The following SKP2 variants were observed in gnomAD, a reference collection of about 807,000 sequenced individuals.
SKP2 encodes the protein S-phase kinase-associated protein 2.
A neutral mutation model predicts 51.8 loss-of-function variants in SKP2; 16 were observed. That is an observed-to-expected ratio of 0.31 (90% CI 0.21 to 0.47). The LOEUF (loss-of-function observed/expected upper bound fraction) is 0.47. Ranked by LOEUF, SKP2 falls within the 20% of genes least tolerant of loss-of-function variation. The pLI, the probability that SKP2 is intolerant of heterozygous loss-of-function variation, is 1.00. For synonymous variants in SKP2, 176 were observed against 198.6 expected (o/e 0.89, Z 0.96); for missense variants, 377 against 505.3 (o/e 0.75, Z 2.43).
At position 36,181,728 on chromosome 5, in the gene SKP2, GAC is replaced by G. The variant is rs1745817255; in HGVS notation, c.1062-86_1062-85del. 2.2e-6 allele frequency: 3 copies of G among 1,350,436 alleles called. No individual in the cohort carries two copies. In the Admixed American group the frequency reaches 6.0e-5, roughly 27 times the overall value. The allele number at this position is 1,350,436 out of a possible 1,614,324, so 83.7% of individuals were successfully genotyped here. On this transcript the variant is annotated intron_variant, in intron 9 of 9. Coordinates refer to ENST00000274255, the MANE Select transcript of SKP2 (RefSeq NM_005983.4). ...CACTTTCAGACTGCATTTTGTAGAT[GAC>G]ACAAATTGTAAAATTTGGGTCATAT...
At chr5:36,175,394 A>G (rs1745600143) in intron 7 of SKP2, among the ~76,000 whole-genome samples, 3 of 152,110 alleles carry the variant, frequency 2.0e-5, no homozygotes, top group Admixed American at 2.0e-4. Context: ...GGCAGTTGAA[A>G]ATGCAAGTCC....
At chr5:36,163,368 T>C (rs3815779) in intron 2 of SKP2, among the ~76,000 whole-genome samples, 95,466 of 152,116 alleles carry the variant, frequency 0.63, 35,010 homozygotes, top group Non-Finnish European at 0.82. Flanking sequence ...TGGGTTTCTC[T>C]TTTTGATTTG....
In SKP2 at chr5:36,182,846, T is replaced by C. The variant is rs1432497874; in HGVS notation, c.*815T>C. ...TGGGTCCTTTAGCTTTTAAAATGAC[T>C]TGCTTTGTTTTAGAAAGGTGGTATT... On this transcript the variant is annotated 3_prime_UTR_variant, in exon 10 of 10. Transcript: ENST00000274255. The C allele has an allele frequency of 3.0e-6, 3 of 984,794 alleles. No individual in the cohort carries two copies. Among genetic ancestry groups the C allele is most frequent in the Non-Finnish European group, 3.6e-6 (3 of 829,424 alleles). The allele number at this position is 984,794 out of a possible 1,614,324, so 61.0% of individuals were successfully genotyped here.
intron 6 of SKP2, among the ~76,000 whole-genome samples, chr5:36,191,668 C>G (rs1481888277): frequency 6.6e-6 from 1 of 152,074 alleles, no homozygotes; most frequent in East Asian, 1.9e-4. Context: ...ATACAACAGC[C>G]CAGGAGAAGA....
chr5:36,173,557 G>C (rs1241031260), intron 7 of SKP2, among the ~76,000 whole-genome samples: 1 of 152,108 alleles, frequency 6.6e-6, no homozygotes, highest in Admixed American at 6.6e-5. Flanking sequence ...ATGAATCGAG[G>C]CTCTGGGTGC....
intron 7 of SKP2, chr5:36,193,125 T>C (rs896854525): frequency 3.3e-5 from 5 of 152,266 alleles, no homozygotes; most frequent in Middle Eastern, 3.4e-3. Flanking sequence ...TATTAACAGA[T>C]CTATTTGGAC....
At chr5:36,193,377 G>A (rs913045148) in intron 7 of SKP2, 4 of 151,150 alleles carry the variant, frequency 2.6e-5, no homozygotes, top group African/African-American at 9.8e-5. Flanking sequence ...TTGGGAGGCT[G>A]AGGCAGGAGA....
intron 5 of SKP2, among the ~76,000 whole-genome samples, chr5:36,169,304 G>T (rs1312002578): frequency 6.6e-6 from 1 of 152,114 alleles, no homozygotes; most frequent in Non-Finnish European, 1.5e-5. Context: ...AATTAGCTGG[G>T]TGTGGTGGCA....
intron 6 of SKP2, among the ~76,000 whole-genome samples, chr5:36,191,392 CTTT>C (rs201765544): frequency 1.6e-4 from 19 of 122,118 alleles, no homozygotes; most frequent in Non-Finnish European, 9.3e-5. Flanking sequence ...TCATCAAGTT[CTTT>C]TTTTTTTTTT....
chr5:36,158,912 TC>T (rs1462391777), intron 2 of SKP2, among the ~76,000 whole-genome samples: 1 of 152,190 alleles, frequency 6.6e-6, no homozygotes, highest in African/African-American at 2.4e-5. Context: ...TTCAGCCTCA[TC>T]CCCTCCATAT....
intron 2 of SKP2, among the ~76,000 whole-genome samples, chr5:36,157,896 A>G (rs1474541239): frequency 1.3e-5 from 2 of 152,238 alleles, no homozygotes; most frequent in African/African-American, 4.8e-5. Flanking sequence ...AAGATGAGTT[A>G]CCTACACTGC....
chr5:36,189,113 G>A, downstream of SKP2, among the ~76,000 whole-genome samples: 1 of 152,088 alleles, frequency 6.6e-6, no homozygotes, highest in Admixed American at 6.5e-5. Flanking sequence ...GGTTATTCTA[G>A]TTAGCCATTC....
intron 9 of SKP2, chr5:36,180,300 A>G (rs1745765412): frequency 7.7e-7 from 1 of 1,306,112 alleles, no homozygotes; most frequent in Non-Finnish European, 1.0e-6. Flanking sequence ...GTAAGTGATT[A>G]AGTATAAGTA....
intron 7 of SKP2, among the ~76,000 whole-genome samples, chr5:36,174,946 A>G (rs1304233783): frequency 6.6e-6 from 1 of 152,152 alleles, no homozygotes; most frequent in Non-Finnish European, 1.5e-5. Context: ...AGCCAAGGCA[A>G]AAGCTTTGAA....
At chr5:36,174,125 A>G (rs747968428) in intron 7 of SKP2, among the ~76,000 whole-genome samples, 3 of 152,112 alleles carry the variant, frequency 2.0e-5, no homozygotes, top group Admixed American at 1.3e-4. Flanking sequence ...CTACCTTTCC[A>G]TGGAGCAATG....
At chr5:36,154,147 C>A (rs1383635029) in intron 2 of SKP2, among the ~76,000 whole-genome samples, 1 of 151,950 alleles carries the variant, frequency 6.6e-6, no homozygotes, top group Non-Finnish European at 1.5e-5. Flanking sequence ...ATAGAACAAG[C>A]CAAGAGGGAA....
At chr5:36,181,675 A>T in intron 9 of SKP2, 143 bp from the exon 10 acceptor site, 1 of 812,036 alleles carries the variant, frequency 1.2e-6, no homozygotes, top group Non-Finnish European at 2.0e-6. Flanking sequence ...TTAATTTGCT[A>T]TTTTCTCAAA....
intron 6 of SKP2, among the ~76,000 whole-genome samples, chr5:36,192,035 CTATATT>C (rs1476634710): frequency 2.6e-5 from 4 of 152,134 alleles, no homozygotes; most frequent in Admixed American, 6.5e-5. Flanking sequence ...ATTAAAATCA[CTATATT>C]TAAGGTATTC....
rs552686064 is a variant in SKP2, at chr5:36,183,164, T to C, written c.*1133T>C. 2 of 972,442 alleles carry C rather than the reference T, an allele frequency of 2.1e-6. No homozygotes were observed. The highest frequency in any genetic ancestry group is 6.2e-5 in the Admixed American group (1 of 16,242). 60.2% of individuals were successfully genotyped at this position (972,442 alleles called of 1,614,324 possible). A position where few individuals can be genotyped will look rare whatever the true frequency, so the allele number is the denominator to read the frequency against. ...TTCAGTAGTAAGCACTACTTATACC[T>C]ACATAAGAGTTAAAATCCAGATGTG... On this transcript the variant is annotated 3_prime_UTR_variant, in exon 10 of 10. Transcript: ENST00000274255.
Sources: gnomAD v4.1 joint callset for allele counts (sites outside exome capture counted in the v4.1 genomes callset) on GRCh38, gnomAD v4.1.1 for gene constraint, MANE v1.5 for transcripts, NCBI Gene and HGNC (gene_info 2026-07-23, HGNC 2026-07-21) for gene names.